The following PLA2G7 variants were observed in gnomAD, a reference collection of about 807,000 sequenced individuals.
PLA2G7 encodes phospholipase A2 group VII, also known as platelet-activating factor acetylhydrolase.
In PLA2G7, 63 loss-of-function variants were observed where a neutral mutation model predicts 49.6. That is an observed-to-expected ratio of 1.27 (90% CI 1.04 to 1.57). The LOEUF (loss-of-function observed/expected upper bound fraction) is 1.57. Ranked by LOEUF, PLA2G7 falls within the 40% of genes most tolerant of loss-of-function variation. The pLI, the probability that PLA2G7 is intolerant of heterozygous loss-of-function variation, is 0.00. For missense variants in PLA2G7, 596 were observed against 521.2 expected (o/e 1.14, Z -1.40); for synonymous variants, 193 against 169.9 (o/e 1.14, Z -1.06).
At chr6:46,721,511 T>C (rs45577933) in intron 2 of PLA2G7, among the ~76,000 whole-genome samples, 88 of 152,072 alleles carry the variant, frequency 5.8e-4, no homozygotes, top group Middle Eastern at 3.4e-3. Context: ...ATTTTTACCC[T>C]GTACCAATTA....
At chr6:46,733,571 G>A (rs1765799055) in intron 1 of PLA2G7, among the ~76,000 whole-genome samples, 1 of 152,168 alleles carries the variant, frequency 6.6e-6, no homozygotes, top group African/African-American at 2.4e-5. Flanking sequence ...CAAATATCTG[G>A]GGAGGGGAAA....
At chr6:46,721,300 G>A (rs1234111374) in intron 2 of PLA2G7, among the ~76,000 whole-genome samples, 9 of 151,772 alleles carry the variant, frequency 5.9e-5, no homozygotes, top group African/African-American at 1.7e-4. Context: ...CACCCACCTC[G>A]GCCTCCCAAA....
intron 10 of PLA2G7, 89 bp downstream of exon 10, chr6:46,707,902 A>T: frequency 3.8e-6 from 3 of 795,916 alleles, no homozygotes; most frequent in South Asian, 3.1e-5. Context: ...CAATTCAGCA[A>T]TTCTTTAATA....
intron 2 of PLA2G7, among the ~76,000 whole-genome samples, chr6:46,719,831 A>T (rs1765336776): frequency 6.6e-6 from 1 of 152,148 alleles, no homozygotes; most frequent in Non-Finnish European, 1.5e-5. Flanking sequence ...GAGTCCATTT[A>T]CTCTTGCTAG....
chr6:46,716,941 G>T, intron 3 of PLA2G7, 34 bp downstream of exon 3: 1 of 1,600,906 alleles, frequency 6.2e-7, no homozygotes, highest in Non-Finnish European at 8.6e-7. Context: ...CAATATTAGA[G>T]TATCAGGATA....
At chr6:46,728,590 G>A (rs1160799985) in intron 1 of PLA2G7, among the ~76,000 whole-genome samples, 2 of 152,234 alleles carry the variant, frequency 1.3e-5, no homozygotes, top group Non-Finnish European at 2.9e-5. Flanking sequence ...GAATTAATCT[G>A]CATCCCATGT....
rs773447420 is a variant in PLA2G7 at position 46,722,842 on chromosome 6, G to A, written c.50C>T (p.Ala17Val). The change falls in exon 2 of 12, where the codon GCT (alanine) becomes GTT (valine). Residue 17 changes from alanine (A) to valine (V), a missense_variant. Coordinates refer to ENST00000274793, the MANE Select transcript of PLA2G7 (RefSeq NM_005084.4). ...TTGCCAGTCAAAAGGATAAACCACA[G>A]CCAGGCAGCCGCAGAGGCAGAAAAG... Reference protein sequence around the residue: ...HVLFCLCGCLAVVYPFDWQYI... With the variant: ...HVLFCLCGCLVVVYPFDWQYI... 1 of 1,613,890 alleles carries A rather than the reference G, an allele frequency of 6.2e-7. No homozygotes were observed. Among genetic ancestry groups the A allele is most frequent in the Non-Finnish European group, 8.5e-7 (1 of 1,179,820 alleles).
At chr6:46,720,527 T>C (rs1043785557) in intron 2 of PLA2G7, among the ~76,000 whole-genome samples, 3 of 152,136 alleles carry the variant, frequency 2.0e-5, no homozygotes, top group Admixed American at 6.5e-5. Flanking sequence ...CCAGGGTGCC[T>C]GGGGGTGGCT....
intron 1 of PLA2G7, among the ~76,000 whole-genome samples, chr6:46,727,412 T>C (rs1222381734): frequency 6.6e-6 from 1 of 152,196 alleles, no homozygotes; most frequent in Non-Finnish European, 1.5e-5. Context: ...CCTTAGCTCT[T>C]GTGTTATTAG....
chr6:46,733,823 T>G (rs1263612512), intron 1 of PLA2G7, among the ~76,000 whole-genome samples: 2 of 152,198 alleles, frequency 1.3e-5, no homozygotes, highest in African/African-American at 4.8e-5. Flanking sequence ...GCTGAGCCTC[T>G]TGGGATTGCC....
chr6:46,732,971 A>G (rs1765782660), intron 1 of PLA2G7, among the ~76,000 whole-genome samples: 1 of 152,158 alleles, frequency 6.6e-6, no homozygotes, highest in Non-Finnish European at 1.5e-5. Context: ...TATTATCACG[A>G]ATCTTGAAAA....
intron 8 of PLA2G7, 29 bp from the exon 9 acceptor site, chr6:46,709,447 T>G: frequency 8.4e-6 from 10 of 1,195,182 alleles, no homozygotes; most frequent in African/African-American, 1.5e-5. Flanking sequence ...TATAAATTTA[T>G]AGCTATTTCG....
chr6:46,711,778 G>C (rs572289379), intron 6 of PLA2G7, among the ~76,000 whole-genome samples, 159 bp from the exon 7 acceptor site: 1 of 152,142 alleles, frequency 6.6e-6, no homozygotes, highest in Admixed American at 6.5e-5. Context: ...GACTGTAAAA[G>C]AGTTCCAGGA....
At chr6:46,710,471 T>C (rs973561066) in intron 8 of PLA2G7, 74 bp downstream of exon 8, 1 of 963,370 alleles carries the variant, frequency 1.0e-6, no homozygotes, top group South Asian at 1.3e-5. Flanking sequence ...TACCTTGCAA[T>C]ATAGCAGAAA....
chr6:46,730,786 C>G (rs866198977), intron 1 of PLA2G7, among the ~76,000 whole-genome samples: 1 of 152,280 alleles, frequency 6.6e-6, no homozygotes, highest in African/African-American at 2.4e-5. Flanking sequence ...AGATTTCTGG[C>G]TTCAAGGAGA....
intron 10 of PLA2G7, among the ~76,000 whole-genome samples, chr6:46,706,141 TAC>T (rs1370348479): frequency 6.6e-6 from 1 of 152,226 alleles, no homozygotes; most frequent in Admixed American, 6.5e-5. Context: ...GACATCTGTG[TAC>T]AGATTCCTCA....
At chr6:46,709,067 A>T (rs1764922437) in intron 9 of PLA2G7, among the ~76,000 whole-genome samples, 1 of 152,298 alleles carries the variant, frequency 6.6e-6, no homozygotes, top group East Asian at 1.9e-4. Context: ...TAAATTTTTC[A>T]GTGAAAAGTG....
At chr6:46,706,366 A>G (rs1236758833) in intron 10 of PLA2G7, among the ~76,000 whole-genome samples, 2 of 152,250 alleles carry the variant, frequency 1.3e-5, no homozygotes, top group Non-Finnish European at 2.9e-5. Context: ...AACAGCAGGA[A>G]TACAAGAGAA....
chr6:46,704,824 CTG>C (rs1764752209), intron 11 of PLA2G7, 128 bp from the exon 12 acceptor site: 2 of 665,958 alleles, frequency 3.0e-6, no homozygotes, highest in South Asian at 3.7e-5. Flanking sequence ...ACGATGTGCT[CTG>C]TATCAGCTGC....
Sources: allele counts gnomAD v4.1 joint callset (sites outside exome capture counted in the v4.1 genomes callset), GRCh38; gene constraint gnomAD v4.1.1; transcripts MANE v1.5; gene names NCBI Gene and HGNC (gene_info 2026-07-23, HGNC 2026-07-21).